Variants in ZNF841 observed in about 807,000 individuals in gnomAD.
ZNF841 encodes TCONS_00006091.
ZNF841 carries 11 observed loss-of-function variants against 13.0 expected under a neutral mutation model. That is an observed-to-expected ratio of 0.85 (90% CI 0.53 to 1.40). The LOEUF (loss-of-function observed/expected upper bound fraction) is 1.40. ZNF841 is among the 40% of genes most tolerant of loss of function. The pLI, the probability that ZNF841 is intolerant of heterozygous loss-of-function variation, is 0.00. For synonymous variants in ZNF841, 369 were observed against 381.6 expected, an observed-to-expected ratio of 0.97 and a Z score of 0.38; for missense variants, 1,068 against 1,139.5, an observed-to-expected ratio of 0.94 and a Z score of 0.90.
At chr19:52,093,318 C>A (rs1232712149) in intron 2 of ZNF841, among the ~76,000 whole-genome samples, 1 of 152,082 alleles carries the variant, frequency 6.6e-6, no homozygotes, top group African/African-American at 2.4e-5. Flanking sequence ...CTATTTGCAA[C>A]AACATGGATG....
At chr19:52,070,160 A>C (rs960982759) in intron 6 of ZNF841, among the ~76,000 whole-genome samples, 1 of 152,236 alleles carries the variant, frequency 6.6e-6, no homozygotes, top group Non-Finnish European at 1.5e-5. Context: ...CCAAACAAGC[A>C]GTGCAGATAA....
At chr19:52,084,943 T>C (rs1215402946) in intron 3 of ZNF841, 65 bp from the exon 4 acceptor site, 2 of 891,538 alleles carry the variant, frequency 2.2e-6, no homozygotes, top group Non-Finnish European at 3.4e-6. Context: ...GCCACAACCA[T>C]GCCCACAGGG....
rs2087492641 is a variant in ZNF841, at chr19:52,064,971, A to C, written c.*136T>G. ...ACAGCAACAAGGGGATGGTACTAAA[A>C]CTTTCTTGAGAAAGCCACCCCCATC... is the stretch of plus-strand genomic sequence containing the variant. On this transcript the variant is annotated 3_prime_UTR_variant, in exon 7 of 7. Coordinates refer to ENST00000594440, the MANE Select transcript of ZNF841 (RefSeq NM_001136499.2). 1.4e-6 allele frequency: 1 copy of C among 722,566 alleles called. No individual in the cohort carries two copies. The highest frequency in any genetic ancestry group is 3.4e-5 in the Admixed American group (1 of 29,524). 44.8% of individuals were successfully genotyped at this position (722,566 alleles called of 1,614,324 possible). A position where few individuals can be genotyped will look rare whatever the true frequency, so the allele number is the denominator to read the frequency against.
chr19:52,084,926 T>C, intron 3 of ZNF841, 48 bp from the exon 4 acceptor site: 2 of 1,065,514 alleles, frequency 1.9e-6, no homozygotes, highest in South Asian at 1.6e-5. Context: ...AACACATTCC[T>C]TTCTGTGCCA....
At chr19:52,062,833 C>T (rs1194603227), downstream of ZNF841, among the ~76,000 whole-genome samples, 1 of 151,342 alleles carries the variant, frequency 6.6e-6, no homozygotes, top group African/African-American at 2.4e-5. Flanking sequence ...ACTTAGTTAT[C>T]CATAGTATGA....
chr19:52,081,246 G>A (rs1212970002), intron 4 of ZNF841, among the ~76,000 whole-genome samples: 1 of 152,180 alleles, frequency 6.6e-6, no homozygotes, highest in East Asian at 1.9e-4. Flanking sequence ...TACATAAGTA[G>A]TTGTTATACT....
chr19:52,060,809 T>C (rs1308759104), downstream of ZNF841, among the ~76,000 whole-genome samples: 3 of 152,324 alleles, frequency 2.0e-5, no homozygotes, highest in East Asian at 5.8e-4. Flanking sequence ...CTTTTATTTA[T>C]GCTAAATTCT....
intron 4 of ZNF841, among the ~76,000 whole-genome samples, chr19:52,078,696 C>T (rs892034860): frequency 2.3e-5 from 3 of 129,072 alleles, no homozygotes; most frequent in African/African-American, 9.9e-5. Flanking sequence ...AAGACTCCAT[C>T]TCGGAAAAAA....
intron 3 of ZNF841, among the ~76,000 whole-genome samples, chr19:52,087,695 A>G (rs533656057): frequency 1.1e-4 from 17 of 152,218 alleles, no homozygotes; most frequent in African/African-American, 4.1e-4. Context: ...TCCAAAAAAT[A>G]AACAGAGAGG....
chr19:52,078,235 C>T (rs112120042), intron 4 of ZNF841, among the ~76,000 whole-genome samples: 23,844 of 151,684 alleles, frequency 0.16, 2,183 homozygotes, highest in South Asian at 0.3. Flanking sequence ...TGCAGTGGGC[C>T]GAGATCATGC....
Position 52,067,247 on chromosome 19 carries a change from C to CT in ZNF841, c.634dup (p.Arg212LysfsTer4), listed in dbSNP as rs1395733577. 6.4e-7 allele frequency: 1 copy of CT among 1,550,976 alleles called. No homozygotes were observed. On this transcript the variant is annotated frameshift_variant, in exon 7 of 7. Coordinates refer to ENST00000594440, the MANE Select transcript of ZNF841 (RefSeq NM_001136499.2). LOFTEE classifies it low-confidence loss of function (END_TRUNC). ...AGCTAAAAAACAATTATTAACTGTC[C>CT]TCTCAATTTGATTACATCCATAAAT...
chr19:52,065,219 C>T lies in ZNF841; in HGVS notation c.2663G>A (p.Ser888Asn). 1 of 1,610,854 alleles carries T rather than the reference C, an allele frequency of 6.2e-7. No individual in the cohort carries two copies. The highest frequency in any genetic ancestry group is 8.5e-7 in the Non-Finnish European group (1 of 1,178,704). Residue 888 changes from serine to asparagine, a missense_variant, in exon 7 of 7, where the codon AGT becomes AAT. Transcript: ENST00000594440. ...KCNECGKSYISRSGLTKHQIK... is the reference protein window; with the variant it reads ...KCNECGKSYINRSGLTKHQIK... ...CTGATGTTTAGTGAGGCCTGAGCGACTAATGTAAGATTTGCCACACTCATT... is the reference window on the plus strand; with the variant it reads ...CTGATGTTTAGTGAGGCCTGAGCGATTAATGTAAGATTTGCCACACTCATT...
chr19:52,066,910 C>A lies in ZNF841; in HGVS notation c.972G>T (p.Arg324Ser), dbSNP rs750571746. The A allele has an allele frequency of 3.1e-6, 5 of 1,614,038 alleles. No homozygotes were observed. Among genetic ancestry groups the A allele is most frequent in the Non-Finnish European group, 3.4e-6 (4 of 1,180,032 alleles). ...CAAGATCTGAATTTTGTCTGAAGAT[C>A]CTGCCACATACATCACATTGGTATG... ...GKPYQCDVCG[R>S]IFRQNSDLVN... Residue 324 changes from arginine (R) to serine (S), a missense_variant, in exon 7 of 7, where the codon AGG becomes AGT. Physicochemically the swap from Arg to Ser is moderately radical, Grantham distance 110. Coordinates refer to ENST00000594440, the MANE Select transcript of ZNF841 (RefSeq NM_001136499.2).
In ZNF841 at chr19:52,087,713, C is replaced by T. The variant is rs185665931; in HGVS notation, c.-78+1224G>A. Among the ~76,000 whole-genome samples the T allele has an allele frequency of 7.9e-5, 12 of 152,068 alleles. No individual in the cohort carries two copies. In the East Asian group the frequency reaches 1.2e-3, roughly 15 times the overall value. ...AAAAAATAAACAGAGAGGCCCGGCG[C>T]GGTGGCTCACACTTGTAATCCCAGC... is the stretch of plus-strand genomic sequence containing the variant. On this transcript the variant is annotated intron_variant, in intron 3 of 6. Transcript: ENST00000594440.
rs559446578 is a variant in ZNF841, at chr19:52,065,130, G to A, written c.2752C>T (p.Leu918=). The change falls in exon 7 of 7, where the codon CTA becomes TTA. Residue 918 remains leucine (L), a synonymous_variant. Transcript: ENST00000594440. ...AATTATTTGGGGATCCCAGAGGTTA[G>A]GACAACATCTAACGGCCTTTCCACA... The part of the protein sequence containing the change: ...LNVERPLDVV[L]TSGIPK The A allele has an allele frequency of 2.6e-6, 4 of 1,545,638 alleles. No homozygotes were observed. In the East Asian group the frequency reaches 6.8e-5, roughly 26 times the overall value.
chr19:52,062,491 A>G (rs2087420516), downstream of ZNF841, among the ~76,000 whole-genome samples: 1 of 152,208 alleles, frequency 6.6e-6, no homozygotes, highest in African/African-American at 2.4e-5. Context: ...CTCACACAGT[A>G]CAGTGACCTT....
intron 4 of ZNF841, among the ~76,000 whole-genome samples, chr19:52,080,920 G>C (rs1250597774): frequency 6.6e-6 from 1 of 152,148 alleles, no homozygotes; most frequent in East Asian, 1.9e-4. Flanking sequence ...AAATAGGGAA[G>C]TGCCAAAAGA....
chr19:52,062,286 G>A (rs2087416251), downstream of ZNF841, among the ~76,000 whole-genome samples: 1 of 152,104 alleles, frequency 6.6e-6, no homozygotes, highest in South Asian at 2.1e-4. Context: ...AACATGTGAA[G>A]CAACAAGTGA....
At chr19:52,084,711 A>G in intron 4 of ZNF841, 76 bp downstream of exon 4, 2 of 1,535,990 alleles carry the variant, frequency 1.3e-6, no homozygotes, top group Non-Finnish European at 1.8e-6. Context: ...TCAGACTCAG[A>G]GAAGATTTGC....
Sources: allele counts gnomAD v4.1 joint callset (sites outside exome capture counted in the v4.1 genomes callset), GRCh38; gene constraint gnomAD v4.1.1; transcripts MANE v1.5; gene names NCBI Gene and HGNC (gene_info 2026-07-23, HGNC 2026-07-21).